ADCY2: variants seen among roughly 807,000 people sequenced by gnomAD.
ADCY2 encodes the protein adenylate cyclase 2.
Under a neutral mutation model 125.2 loss-of-function variants are expected in ADCY2, and 31 were observed. That is an observed-to-expected ratio of 0.25 (90% confidence interval 0.19 to 0.33). ADCY2 has a LOEUF of 0.33. Ranked by LOEUF, ADCY2 falls within the 10% of genes least tolerant of loss-of-function variation. ADCY2 has a pLI of 1.00. For synonymous variants in ADCY2, 512 were observed against 548.4 expected (o/e 0.93, Z 0.93); for missense variants, 904 against 1,418.2 (o/e 0.64, Z 5.82).
chr5:7,751,437 G>A (rs1250990433), intron 15 of ADCY2, among the ~76,000 whole-genome samples: 1 of 152,080 alleles, frequency 6.6e-6, no homozygotes, highest in East Asian at 1.9e-4. Flanking sequence ...CCCCCAGATG[G>A]GACATCCCTG....
intron 1 of ADCY2, among the ~76,000 whole-genome samples, chr5:7,400,205 A>G (rs1164171195): frequency 6.6e-6 from 1 of 152,200 alleles, no homozygotes; most frequent in Admixed American, 6.5e-5. Context: ...AAAAAATTTT[A>G]TTCCATAATT....
intron 7 of ADCY2, 21 bp from the exon 8 acceptor site, chr5:7,706,723 T>A: frequency 1.2e-6 from 2 of 1,613,240 alleles, no homozygotes; most frequent in South Asian, 1.1e-5. Flanking sequence ...TTGATCATGA[T>A]CTTACTTCCC....
At chr5:7,421,578 A>G (rs1477332959) in intron 2 of ADCY2, among the ~76,000 whole-genome samples, 5 of 152,186 alleles carry the variant, frequency 3.3e-5, no homozygotes, top group Non-Finnish European at 4.4e-5. Context: ...TTACAGTCAC[A>G]AGTACTGGGG....
At chr5:7,734,705 G>A (rs766629295) in intron 14 of ADCY2, among the ~76,000 whole-genome samples, 58 of 152,294 alleles carry the variant, frequency 3.8e-4, no homozygotes, top group Middle Eastern at 6.8e-3. Flanking sequence ...AATTAAGAGC[G>A]TTTGACCAAC....
intron 11 of ADCY2, among the ~76,000 whole-genome samples, chr5:7,713,680 C>A (rs977863931): frequency 2.6e-5 from 4 of 152,136 alleles, no homozygotes; most frequent in African/African-American, 9.7e-5. Flanking sequence ...CAGGCACCAA[C>A]TCCTTTTTTC....
intron 20 of ADCY2, among the ~76,000 whole-genome samples, chr5:7,792,381 C>T (rs770220816): frequency 1.4e-4 from 21 of 151,970 alleles, no homozygotes; most frequent in Non-Finnish European, 2.5e-4. Flanking sequence ...GCAACAAGAG[C>T]GAAACTCCAT....
intron 14 of ADCY2, 29 bp downstream of exon 14, chr5:7,727,290 C>A: frequency 6.3e-7 from 1 of 1,587,268 alleles, no homozygotes; most frequent in Non-Finnish European, 8.6e-7. Context: ...CACTGGGATT[C>A]TCACCTGGGG....
At chr5:7,710,031 C>A (rs970133155) in intron 10 of ADCY2, among the ~76,000 whole-genome samples, 1 of 152,174 alleles carries the variant, frequency 6.6e-6, no homozygotes, top group African/African-American at 2.4e-5. Context: ...GGTAAAATTT[C>A]ATGTATAATG....
Position 7,829,437 on chromosome 5 carries a change from G to A in ADCY2, c.*2566G>A, listed in dbSNP as rs767153836. The A allele has an allele frequency of 6.6e-6, 1 of 152,658 alleles. No homozygotes were observed. Among genetic ancestry groups the A allele is most frequent in the Non-Finnish European group, 1.5e-5 (1 of 68,038 alleles). The allele number at this position is 152,658 out of a possible 1,614,324, so 9.5% of individuals were successfully genotyped here. ...TGAATCTGAAAGAGCATTATTCCTG[G>A]TCAAAGCTCCTTAAAGTTCTGGGCA... On this transcript the variant is annotated 3_prime_UTR_variant, in exon 25 of 25. Coordinates refer to ENST00000338316, the MANE Select transcript of ADCY2 (RefSeq NM_020546.3).
chr5:7,692,811 C>T (rs907650452), intron 5 of ADCY2, among the ~76,000 whole-genome samples: 2 of 152,230 alleles, frequency 1.3e-5, no homozygotes, highest in South Asian at 2.1e-4. Flanking sequence ...AAGTCTCTCC[C>T]GTAAATGAGA....
In ADCY2 at chr5:7,433,489, C is replaced by T. The variant is rs996164349; in HGVS notation, c.408+18719C>T. The stretch of plus-strand genomic sequence containing the variant: ...GTATTTCTTTAATATTCCTGAAATG[C>T]GAAAATTACTTTTATCACAGTTTTT... On this transcript the variant is annotated intron_variant, in intron 2 of 24. Coordinates refer to ENST00000338316, the MANE Select transcript of ADCY2 (RefSeq NM_020546.3). 5.9e-5 allele frequency among the ~76,000 whole-genome samples: 9 copies of T among 151,948 alleles called. No individual in the cohort carries two copies. The South Asian group carries it at 8.3e-4, about 14-fold the overall frequency.
chr5:7,682,796 C>T (rs890970), intron 4 of ADCY2, among the ~76,000 whole-genome samples: 67,075 of 152,046 alleles, frequency 0.44, 16,044 homozygotes, highest in Admixed American at 0.54. Flanking sequence ...GATTAATCCC[C>T]ATTACTTTTG....
chr5:7,462,670 G>A (rs1218686214), intron 2 of ADCY2, among the ~76,000 whole-genome samples: 2 of 152,218 alleles, frequency 1.3e-5, no homozygotes, highest in African/African-American at 2.4e-5. Context: ...TTAGGGTGGT[G>A]ACATTATATT....
At chr5:7,762,877 G>A (rs1457834369) in intron 16 of ADCY2, among the ~76,000 whole-genome samples, 1 of 152,028 alleles carries the variant, frequency 6.6e-6, no homozygotes, top group Non-Finnish European at 1.5e-5. Flanking sequence ...GTGGAGTGGG[G>A]GGCTGTGGGC....
chr5:7,444,596 C>T (rs551405195), intron 2 of ADCY2, among the ~76,000 whole-genome samples: 6 of 152,106 alleles, frequency 3.9e-5, no homozygotes, highest in Non-Finnish European at 7.3e-5. Flanking sequence ...TTACTCTTAG[C>T]AATGCTACAA....
chr5:7,765,520 A>T (rs1419625302), intron 16 of ADCY2, among the ~76,000 whole-genome samples: 1 of 152,222 alleles, frequency 6.6e-6, no homozygotes, highest in Non-Finnish European at 1.5e-5. Context: ...GTCAAATGAT[A>T]TAACGGCAGA....
At chr5:7,750,152 C>A (rs11134257) in intron 15 of ADCY2, among the ~76,000 whole-genome samples, 69,451 of 151,834 alleles carry the variant, frequency 0.46, 16,956 homozygotes, top group East Asian at 0.95. Context: ...TTTTAAAACC[C>A]AATTTGTATC....
intron 3 of ADCY2, among the ~76,000 whole-genome samples, chr5:7,571,247 A>T (rs575820978): frequency 7.9e-5 from 12 of 152,232 alleles, no homozygotes; most frequent in Non-Finnish European, 1.8e-4. Flanking sequence ...CAAGCTGGAG[A>T]TGCAAGAAAG....
At chr5:7,785,459 T>G (rs1383818929) in intron 19 of ADCY2, among the ~76,000 whole-genome samples, 1 of 152,164 alleles carries the variant, frequency 6.6e-6, no homozygotes, top group Non-Finnish European at 1.5e-5. Context: ...CAAAGCTGTT[T>G]GAGGTCCCTT....
Sources: allele counts gnomAD v4.1 joint callset (sites outside exome capture counted in the v4.1 genomes callset), GRCh38; gene constraint gnomAD v4.1.1; transcripts MANE v1.5; gene names NCBI Gene and HGNC (gene_info 2026-07-23, HGNC 2026-07-21).